SHROOM4: variants seen among roughly 807,000 people sequenced by gnomAD.
The protein encoded by SHROOM4 is protein Shroom4.
SHROOM4 carries 17 observed loss-of-function variants against 80.3 expected under a neutral mutation model. That is an observed-to-expected ratio of 0.21 (90% CI 0.14 to 0.32). The LOEUF is 0.32. SHROOM4 is among the 10% of genes least tolerant of loss of function. The pLI, the probability that SHROOM4 is intolerant of heterozygous loss-of-function variation, is 1.00. For synonymous variants in SHROOM4, 400 were observed against 437.5 expected (o/e 0.91, Z 1.07); for missense variants, 993 against 1,140.3 (o/e 0.87, Z 1.86).
chrX:50,645,580 T>G (rs973216834), intron 2 of SHROOM4, among the ~76,000 whole-genome samples: 4 of 110,701 alleles, frequency 3.6e-5, no homozygotes. Flanking sequence ...AGATGAGGAG[T>G]AGGCAGGTGG....
intron 1 of SHROOM4, among the ~76,000 whole-genome samples, chrX:50,799,899 G>A (rs1936085853): frequency 8.9e-6 from 1 of 111,810 alleles, no homozygotes; most frequent in African/African-American, 3.3e-5. Flanking sequence ...CAGCCAGCCG[G>A]CCTCTCCCAC....
At position 50,595,384 on chromosome X, in the gene SHROOM4, T is replaced by G. The variant is rs782428439; in HGVS notation, c.*1311A>C. 1.7e-5 allele frequency: 2 copies of G among 118,843 alleles called. No individual in the cohort carries two copies. The highest frequency in any genetic ancestry group is 3.5e-5 in the Non-Finnish European group (2 of 57,267). 9.8% of individuals were successfully genotyped at this position (118,843 alleles called of 1,213,427 possible). A position where few individuals can be genotyped will look rare whatever the true frequency, so the allele number is the denominator to read the frequency against. On this transcript the variant is annotated 3_prime_UTR_variant, in exon 9 of 9. Transcript: ENST00000376020. Reference sequence around the variant, plus strand: ...CAGCTACCTTGAGTTTTGGTTCCCTTGAGCCAGGCCACAGGCTGAGAAAGC... The same window carrying G: ...CAGCTACCTTGAGTTTTGGTTCCCTGGAGCCAGGCCACAGGCTGAGAAAGC...
At chrX:50,662,739 T>C (rs782292374) in intron 2 of SHROOM4, among the ~76,000 whole-genome samples, 1 of 111,945 alleles carries the variant, frequency 8.9e-6, no homozygotes, top group South Asian at 3.8e-4. Flanking sequence ...ATATGTGATT[T>C]GACACCAGTT....
intron 1 of SHROOM4, among the ~76,000 whole-genome samples, chrX:50,773,270 C>T (rs782192772): frequency 1.8e-5 from 2 of 112,222 alleles, no homozygotes; most frequent in African/African-American, 6.5e-5. Context: ...CGACCACAAA[C>T]CTATTAACAT....
rs782521391 is a variant in SHROOM4 at position 50,598,493 on chromosome X, G to A, written c.3985C>T (p.Arg1329Trp). 3.3e-6 allele frequency: 4 copies of A among 1,206,227 alleles called. No individual in the cohort carries two copies. Among genetic ancestry groups the A allele is most frequent in the Admixed American group, 4.4e-5 (2 of 45,421 alleles). Residue 1329 changes from arginine (R) to tryptophan (W), a missense_variant, in exon 8 of 9, where the codon CGG (arginine) becomes TGG (tryptophan). By Grantham distance (101) the Arg-to-Trp change is moderately radical (BLOSUM62 -3). Transcript: ENST00000376020. ...ESISRKLSVLREAQRGLLEDI... is the reference protein window; with the variant it reads ...ESISRKLSVLWEAQRGLLEDI... ...TCTAGCAGCCCTCGCTGGGCCTCCC[G>A]CAAGACAGAAAGTTTTCTGCTGATG...
At chrX:50,585,226 G>C (rs782008692), downstream of SHROOM4, among the ~76,000 whole-genome samples, 1 of 111,626 alleles carries the variant, frequency 9.0e-6, no homozygotes, top group African/African-American at 3.3e-5. Context: ...CAGCCTAAAG[G>C]GAGAGACAGA....
chrX:50,731,409 A>T (rs1264671511), intron 1 of SHROOM4, among the ~76,000 whole-genome samples: 1 of 111,579 alleles, frequency 9.0e-6, no homozygotes, highest in Non-Finnish European at 1.9e-5. Context: ...TTCTGAAGGG[A>T]ACAGGACTTC....
At chrX:50,716,410 C>T (rs1933955700) in intron 1 of SHROOM4, among the ~76,000 whole-genome samples, 1 of 111,544 alleles carries the variant, frequency 9.0e-6, no homozygotes, top group South Asian at 3.8e-4. Context: ...CTCAATTTAG[C>T]CATTCCACAG....
At chrX:50,801,024 G>C (rs1936106101) in intron 1 of SHROOM4, among the ~76,000 whole-genome samples, 1 of 109,717 alleles carries the variant, frequency 9.1e-6, no homozygotes, top group African/African-American at 3.3e-5. Context: ...TTCTTATTCT[G>C]AATGAGGCTC....
rs1557245932 is a variant in SHROOM4 at position 50,593,536 on chromosome X, C to CG, written c.*3158_*3159insC. 2 of 109,768 alleles carry CG rather than the reference C, an allele frequency of 1.8e-5. No individual in the cohort carries two copies. The highest frequency in any genetic ancestry group is 3.8e-5 in the Non-Finnish European group (2 of 52,497). The allele number at this position is 109,768 out of a possible 1,213,427, so 9.0% of individuals were successfully genotyped here. A position where few individuals can be genotyped will look rare whatever the true frequency, so the allele number is the denominator to read the frequency against. ...GAAACTGTCCCCTGCCCCACCCCCCCAAAAAGATCTACTAATCTTCAAATA... is the reference window on the plus strand; with the variant it reads ...GAAACTGTCCCCTGCCCCACCCCCCCGAAAAAGATCTACTAATCTTCAAATA... On this transcript the variant is annotated 3_prime_UTR_variant, in exon 9 of 9. Transcript: ENST00000376020.
chrX:50,664,224 A>C (rs782205342), intron 2 of SHROOM4, among the ~76,000 whole-genome samples: 24 of 112,067 alleles, frequency 2.1e-4, no homozygotes, highest in Non-Finnish European at 3.6e-4. Context: ...ACTTCTACAG[A>C]GTACTCACAG....
At chrX:50,723,436 C>T (rs1438675552) in intron 1 of SHROOM4, among the ~76,000 whole-genome samples, 1 of 98,198 alleles carries the variant, frequency 1.0e-5, no homozygotes, top group African/African-American at 3.7e-5. Flanking sequence ...GAGGGAGAAA[C>T]AAACAAGCCT....
chrX:50,631,282 A>T (rs1396462172), intron 4 of SHROOM4, among the ~76,000 whole-genome samples: 1 of 111,774 alleles, frequency 8.9e-6, no homozygotes, highest in East Asian at 2.8e-4. Context: ...AGACTAAAAG[A>T]GAAAAACTAT....
chrX:50,783,498 C>T (rs1014090352), intron 1 of SHROOM4, among the ~76,000 whole-genome samples: 2 of 111,638 alleles, frequency 1.8e-5, no homozygotes, highest in Admixed American at 9.5e-5. Flanking sequence ...AATTCTCCTC[C>T]AAACTGATCT....
At chrX:50,754,190 C>T (rs1312160988) in intron 1 of SHROOM4, among the ~76,000 whole-genome samples, 1 of 111,603 alleles carries the variant, frequency 9.0e-6, no homozygotes, top group Non-Finnish European at 1.9e-5. Context: ...ATGTGAGAAG[C>T]CTCAGTGTTG....
At chrX:50,584,213 T>A (rs904912552), downstream of SHROOM4, among the ~76,000 whole-genome samples, 1 of 112,488 alleles carries the variant, frequency 8.9e-6, no homozygotes, top group African/African-American at 3.2e-5. Context: ...AAAGAAAATG[T>A]TTGTTGTTGC....
At chrX:50,618,353 T>C (rs1448384048) in intron 5 of SHROOM4, among the ~76,000 whole-genome samples, 6 of 14,852 alleles carry the variant, frequency 4.0e-4, no homozygotes, top group South Asian at 6.3e-3. Context: ...CCTTCCTTCC[T>C]TCCTTCCTTC....
At chrX:50,770,298 A>C (rs1439936735) in intron 1 of SHROOM4, among the ~76,000 whole-genome samples, 1 of 112,284 alleles carries the variant, frequency 8.9e-6, no homozygotes, top group Non-Finnish European at 1.9e-5. Flanking sequence ...TAAACACATG[A>C]AAAGGTATGT....
intron 2 of SHROOM4, among the ~76,000 whole-genome samples, chrX:50,638,681 T>C (rs1479835509): frequency 8.9e-6 from 1 of 112,797 alleles, no homozygotes; most frequent in Admixed American, 9.3e-5. Context: ...CCCATTTTTC[T>C]CTGAGAAAGG....
Sources: allele counts gnomAD v4.1 joint callset (sites outside exome capture counted in the v4.1 genomes callset), GRCh38; gene constraint gnomAD v4.1.1; transcripts MANE v1.5; gene names NCBI Gene and HGNC (gene_info 2026-07-23, HGNC 2026-07-21).